CCNQ: variants seen among roughly 807,000 people sequenced by gnomAD.
The protein encoded by CCNQ is cyclin Q.
In CCNQ, 3 loss-of-function variants were observed where a neutral mutation model predicts 17.7. That is an observed-to-expected ratio of 0.17 (90% CI 0.08 to 0.44). The LOEUF (loss-of-function observed/expected upper bound fraction) is 0.44. Ranked by LOEUF, CCNQ falls within the 20% of genes least tolerant of loss-of-function variation. The pLI is 0.99. For missense variants in CCNQ, 146 were observed against 222.6 expected (o/e 0.66, Z 2.19); for synonymous variants, 73 against 96.0 (o/e 0.76, Z 1.40).
chrX:153,592,525 G>C lies in CCNQ; in HGVS notation c.638C>G (p.Ala213Gly). ...YGVEVPAEVE[A>G]EKPWWQVFND... ...CCTCACCTGCCACCACGGCTTCTCA[G>C]CCTCGACCTCGGCGGGCACCTCAAC... Residue 213 changes from alanine to glycine, a missense_variant, in exon 4 of 5, where the codon GCT (alanine) becomes GGT (glycine). Coordinates refer to ENST00000576892, the MANE Select transcript of CCNQ (RefSeq NM_152274.5). 2 of 1,212,274 alleles carry C rather than the reference G, an allele frequency of 1.6e-6. No individual in the cohort carries two copies. The highest frequency in any genetic ancestry group is 1.1e-6 in the Non-Finnish European group (1 of 895,504).
Position 153,599,117 on chromosome X carries a change from C to A in CCNQ, c.-44G>T. Reference sequence around the variant, plus strand: ...CGGAAGGAGAGGCGGCCCCGGCGCGCAGAAGCCGGCAGAACTGGAGGTGCT... The same window carrying A: ...CGGAAGGAGAGGCGGCCCCGGCGCGAAGAAGCCGGCAGAACTGGAGGTGCT... On this transcript the variant is annotated 5_prime_UTR_variant, in exon 1 of 5. Transcript: ENST00000576892. 1.4e-6 allele frequency: 1 copy of A among 713,958 alleles called. No homozygotes were observed. Among genetic ancestry groups the A allele is most frequent in the Non-Finnish European group, 1.8e-6 (1 of 567,326 alleles). The allele number at this position is 713,958 out of a possible 1,213,427, so 58.8% of individuals were successfully genotyped here.
At chrX:153,591,177 G>A (rs1436908523) in intron 4 of CCNQ, among the ~76,000 whole-genome samples, 1 of 111,971 alleles carries the variant, frequency 8.9e-6, no homozygotes, top group Admixed American at 9.4e-5. Context: ...CACTCATCAT[G>A]GGGGATCAGG....
intron 3 of CCNQ, 56 bp from the exon 4 acceptor site, chrX:153,592,789 CATA>C: frequency 9.6e-7 from 1 of 1,042,444 alleles, no homozygotes; most frequent in Non-Finnish European, 1.3e-6. Flanking sequence ...CTCATGCTGA[CATA>C]ATCATATCAG....
At chrX:153,598,436 T>G (rs1297389259) in intron 1 of CCNQ, among the ~76,000 whole-genome samples, 1 of 111,619 alleles carries the variant, frequency 9.0e-6, no homozygotes, top group Admixed American at 9.4e-5. Flanking sequence ...AAAATACTGT[T>G]GATGGCTGGA....
At chrX:153,593,136 G>T (rs2091003812) in intron 3 of CCNQ, among the ~76,000 whole-genome samples, 1 of 112,686 alleles carries the variant, frequency 8.9e-6, no homozygotes, top group Non-Finnish European at 1.9e-5. Context: ...TGCTCCCCAT[G>T]CATCTGGCCT....
chrX:153,596,407 C>T (rs2091028917), intron 1 of CCNQ, among the ~76,000 whole-genome samples: 1 of 111,916 alleles, frequency 8.9e-6, no homozygotes, highest in African/African-American at 3.3e-5. Flanking sequence ...GCAGACTTCC[C>T]CTTTTGTAGG....
At chrX:153,594,292 C>T (rs1421924902) in intron 3 of CCNQ, among the ~76,000 whole-genome samples, 2 of 112,683 alleles carry the variant, frequency 1.8e-5, no homozygotes, top group African/African-American at 6.4e-5. Context: ...AGCACGGACC[C>T]CGCCCACAGG....
chrX:153,596,251 G>T, intron 1 of CCNQ, 64 bp from the exon 2 acceptor site: 2 of 1,119,697 alleles, frequency 1.8e-6, no homozygotes, highest in Non-Finnish European at 2.5e-6. Flanking sequence ...TCCAGTGAGG[G>T]GAGCCATTGG....
intron 4 of CCNQ, among the ~76,000 whole-genome samples, chrX:153,590,231 TAAAAAAAAAAAA>T (rs59053078): frequency 7.6e-5 from 2 of 26,456 alleles, no homozygotes; most frequent in African/African-American, 3.5e-4. Flanking sequence ...CTGTCTCTAT[TAAAAAAAAAAAA>T]AAAAAAAAAA....
intron 3 of CCNQ, 52 bp from the exon 4 acceptor site, chrX:153,592,785 C>G: frequency 9.4e-7 from 1 of 1,068,147 alleles, no homozygotes; most frequent in East Asian, 3.2e-5. Flanking sequence ...TCTCCTCATG[C>G]TGACATAATC....
chrX:153,599,090 G>C lies in CCNQ; in HGVS notation c.-17C>G. On this transcript the variant is annotated 5_prime_UTR_variant, in exon 1 of 5. Transcript: ENST00000576892. Reference sequence around the variant, plus strand: ...GGCTTCCATGAGGCGCCGCGGCACCGGCGGAAGGAGAGGCGGCCCCGGCGC... The same window carrying C: ...GGCTTCCATGAGGCGCCGCGGCACCCGCGGAAGGAGAGGCGGCCCCGGCGC... 2 of 917,986 alleles carry C rather than the reference G, an allele frequency of 2.2e-6. No individual in the cohort carries two copies. The highest frequency in any genetic ancestry group is 1.4e-6 in the Non-Finnish European group (1 of 720,832). The allele number at this position is 917,986 out of a possible 1,213,427, so 75.7% of individuals were successfully genotyped here.
intron 1 of CCNQ, chrX:153,597,791 C>T (rs1445159504): frequency 9.0e-6 from 1 of 111,193 alleles, no homozygotes; most frequent in Non-Finnish European, 1.9e-5. Context: ...ACAATTCCTA[C>T]CTGGGACCCC....
At chrX:153,598,813 C>T (rs1026783818) in intron 1 of CCNQ, 149 bp downstream of exon 1, 203 of 331,528 alleles carry the variant, frequency 6.1e-4, no homozygotes, top group Non-Finnish European at 8.6e-4. Context: ...ACACCGGGCG[C>T]GGCGCAAAGG....
chrX:153,597,147 C>T (rs1212489739), intron 1 of CCNQ, among the ~76,000 whole-genome samples: 1 of 111,580 alleles, frequency 9.0e-6, no homozygotes, highest in Non-Finnish European at 1.9e-5. Context: ...GTTCACAAGA[C>T]AAGGTTAAAT....
chrX:153,596,299 C>A lies in CCNQ; in HGVS notation c.113-112G>T, dbSNP rs890147511. 8.7e-5 allele frequency: 73 copies of A among 841,913 alleles called. No individual in the cohort carries two copies. In the African/African-American group the frequency reaches 1.1e-3, roughly 12 times the overall value. 69.4% of individuals were successfully genotyped at this position (841,913 alleles called of 1,213,427 possible). On this transcript the variant is annotated intron_variant, in intron 1 of 4. Transcript: ENST00000576892. Reference sequence around the variant, plus strand: ...CAGGTACAACCCTACTTGGACAAGGCTAAGAACTTCCAGCAGAGCCAGTGG... The same window carrying A: ...CAGGTACAACCCTACTTGGACAAGGATAAGAACTTCCAGCAGAGCCAGTGG...
intron 2 of CCNQ, among the ~76,000 whole-genome samples, chrX:153,595,040 T>C (rs2091017876): frequency 8.9e-6 from 1 of 112,846 alleles, no homozygotes; most frequent in Non-Finnish European, 1.9e-5. Flanking sequence ...AGCCCGGCAT[T>C]AGGGAGTCTT....
Position 153,588,282 on chromosome X carries a change from CA to C in CCNQ, c.*82del, listed in dbSNP as rs2090967810. 1 of 802,139 alleles carries C rather than the reference CA, an allele frequency of 1.2e-6. No homozygotes were observed. Among genetic ancestry groups the C allele is most frequent in the Admixed American group, 2.2e-5 (1 of 45,494 alleles). 66.1% of individuals were successfully genotyped at this position (802,139 alleles called of 1,213,427 possible). A position where few individuals can be genotyped will look rare whatever the true frequency, so the allele number is the denominator to read the frequency against. ...TCCTCCCAGCTGGTCCTGTGGGGACCAGCCGTCATGGCGACGTGGTGACAAT... is the reference window on the plus strand; with the variant it reads ...TCCTCCCAGCTGGTCCTGTGGGGACCGCCGTCATGGCGACGTGGTGACAAT... On this transcript the variant is annotated 3_prime_UTR_variant, in exon 5 of 5. Coordinates refer to ENST00000576892, the MANE Select transcript of CCNQ (RefSeq NM_152274.5).
Position 153,592,659 on chromosome X carries a change from G to C in CCNQ, c.504C>G (p.Val168=), listed in dbSNP as rs1557026082. The C allele has an allele frequency of 8.3e-7, 1 of 1,211,515 alleles. No homozygotes were observed. The highest frequency in any genetic ancestry group is 1.7e-5 in the African/African-American group (1 of 58,063). The change falls in exon 4 of 5, where the codon GTC becomes GTG. Residue 168 remains valine, a synonymous_variant. Coordinates refer to ENST00000576892, the MANE Select transcript of CCNQ (RefSeq NM_152274.5). ...TGTCCCGCAGCAGGGCCCAGGCGGT[G>C]ACGGCAACAGGGGTCCGCTGCCAGC... ...RHSWQRTPVA[V]TAWALLRDSY...
At chrX:153,591,068 C>T (rs1417320191) in intron 4 of CCNQ, among the ~76,000 whole-genome samples, 1 of 111,607 alleles carries the variant, frequency 9.0e-6, no homozygotes, top group Admixed American at 9.5e-5. Flanking sequence ...CAGGAGTCAC[C>T]GTAAGAAGTG....
Sources: gnomAD v4.1 joint callset for allele counts (sites outside exome capture counted in the v4.1 genomes callset) on GRCh38, gnomAD v4.1.1 for gene constraint, MANE v1.5 for transcripts, NCBI Gene and HGNC (gene_info 2026-07-23, HGNC 2026-07-21) for gene names.